The following PDXDC1 variants were observed in gnomAD, a reference collection of about 807,000 sequenced individuals.
PDXDC1 encodes the protein pyridoxal dependent decarboxylase domain containing 1.
Under a neutral mutation model 100.1 loss-of-function variants are expected in PDXDC1, and 42 were observed. The ratio of observed to expected loss-of-function variants is 0.42; its 90% CI spans 0.33 to 0.54. The LOEUF (loss-of-function observed/expected upper bound fraction) is 0.54. PDXDC1 is among the 20% of genes least tolerant of loss of function. The probability of loss-of-function intolerance (pLI) is 0.10; values close to 1 mark genes in which losing one functional copy is unlikely to be tolerated. For missense variants in PDXDC1, 636 were observed against 979.2 expected (o/e 0.65, Z 4.68); for synonymous variants, 260 against 371.7 (o/e 0.70, Z 3.46).
chr16:15,051,567 G>A (rs762820842), intron 16 of PDXDC1, among the ~76,000 whole-genome samples: 2 of 151,980 alleles, frequency 1.3e-5, no homozygotes, highest in Non-Finnish European at 2.9e-5. Flanking sequence ...GGCTGGTCTC[G>A]AACTCCTGGC....
At position 15,001,857 on chromosome 16, in the gene PDXDC1, G is replaced by A. The variant is rs752162720; in HGVS notation, c.242+1G>A. 1.9e-6 allele frequency: 3 copies of A among 1,602,962 alleles called. No homozygotes were observed. Among genetic ancestry groups the A allele is most frequent in the Admixed American group, 1.8e-5 (1 of 57,002 alleles). ...AAGATGAGGAGCCCCAGAGCCCCAG[G>A]TAATGAACCTGGCAGCTTCTCTTTT... is the stretch of plus-strand genomic sequence containing the variant. On this transcript the variant is annotated splice_donor_variant, in intron 4 of 22. Transcript: ENST00000396410. LOFTEE classifies it high-confidence loss of function.
intron 16 of PDXDC1, chr16:15,125,639 C>A (rs1397061737): frequency 1.6e-6 from 2 of 1,236,002 alleles, no homozygotes; most frequent in South Asian, 1.2e-5. Flanking sequence ...CCAAGCTGCG[C>A]CAAGGCGGCA....
chr16:15,077,765 C>T (rs1162063983), intron 16 of PDXDC1, among the ~76,000 whole-genome samples: 2 of 152,164 alleles, frequency 1.3e-5, no homozygotes, highest in Non-Finnish European at 1.5e-5. Context: ...TGCTTGAACC[C>T]CGGAGGTGGA....
the PDXDC1 span, among the ~76,000 whole-genome samples, chr16:15,147,750 G>T: frequency 6.6e-6 from 1 of 152,196 alleles, no homozygotes; most frequent in East Asian, 1.9e-4. Flanking sequence ...GTGCAGTGGT[G>T]TGATATTGGC....
chr16:15,079,056 C>T (rs1398407658), intron 16 of PDXDC1, among the ~76,000 whole-genome samples: 2 of 152,062 alleles, frequency 1.3e-5, no homozygotes, highest in African/African-American at 4.8e-5. Flanking sequence ...GTGATCCGCC[C>T]GCCTCGGCCT....
At chr16:15,092,323 C>T (rs1367010521) in intron 16 of PDXDC1, among the ~76,000 whole-genome samples, 1 of 152,004 alleles carries the variant, frequency 6.6e-6, no homozygotes, top group African/African-American at 2.4e-5. Flanking sequence ...GTGAAATGGG[C>T]CAAGGTGGGG....
At chr16:15,049,494 T>C (rs1025979464) in intron 16 of PDXDC1, among the ~76,000 whole-genome samples, 10 of 151,986 alleles carry the variant, frequency 6.6e-5, no homozygotes, top group Non-Finnish European at 1.3e-4. Flanking sequence ...AGTGGCGTGA[T>C]CTCAGTTCAC....
rs2043088845 is a variant in PDXDC1 at position 15,031,920 on chromosome 16, C to G, written c.1571+14C>G. The G allele has an allele frequency of 1.3e-6, 2 of 1,582,880 alleles. No individual in the cohort carries two copies. The highest frequency in any genetic ancestry group is 1.7e-6 in the Non-Finnish European group (2 of 1,160,776). ...AGGGGTTGTCAGGTAAAGTCTTGGC[C>G]TGCCGCTTGATGTTGGAGACTTTTC... On this transcript the variant is annotated intron_variant, in intron 17 of 22. Transcript: ENST00000396410.
At chr16:15,028,016 A>G (rs948490702) in intron 14 of PDXDC1, among the ~76,000 whole-genome samples, 1 of 152,276 alleles carries the variant, frequency 6.6e-6, no homozygotes, top group African/African-American at 2.4e-5. Flanking sequence ...GCACTCCCGT[A>G]TCAGTGTCAC....
chr16:15,058,173 G>A (rs2044591140), intron 16 of PDXDC1, among the ~76,000 whole-genome samples: 1 of 152,136 alleles, frequency 6.6e-6, no homozygotes, highest in Non-Finnish European at 1.5e-5. Flanking sequence ...GCTGGGCATG[G>A]TGGCAGGCCT....
At position 15,087,463 on chromosome 16, in the gene PDXDC1, C is replaced by T. The variant is rs117235048; in HGVS notation, c.1400-51416C>T. On this transcript the variant is annotated intron_variant, in intron 16 of 16. Coordinates refer to the PDXDC1 transcript ENST00000535621. ...TCGGTCAAGGCTATCCTCTGTCCAC[C>T]GTCCCACACGCCTCCCTATATGCGG... 1.5e-3 allele frequency among the ~76,000 whole-genome samples: 221 copies of T among 152,304 alleles called. 4 individuals carry two copies. The East Asian group carries it at 0.036, about 25-fold the overall frequency.
intron 6 of PDXDC1, among the ~76,000 whole-genome samples, chr16:15,007,776 A>G (rs1390649074): frequency 2.0e-5 from 3 of 152,292 alleles, no homozygotes; most frequent in Non-Finnish European, 4.4e-5. Flanking sequence ...CTTAGTGTCT[A>G]CTGCAAGCCA....
At chr16:15,142,393 A>G (rs1369160012), downstream of PDXDC1, among the ~76,000 whole-genome samples, 3 of 152,070 alleles carry the variant, frequency 2.0e-5, no homozygotes, top group Admixed American at 1.3e-4. Flanking sequence ...CCCTCACCCC[A>G]GCCCAAGGCC....
At chr16:15,052,698 G>A (rs1233591262) in intron 16 of PDXDC1, among the ~76,000 whole-genome samples, 1 of 152,258 alleles carries the variant, frequency 6.6e-6, no homozygotes, top group East Asian at 1.9e-4. Flanking sequence ...GCCGGGCATG[G>A]TGGCAGATGT....
intron 12 of PDXDC1, among the ~76,000 whole-genome samples, chr16:15,022,489 A>G (rs544529385): frequency 1.3e-5 from 2 of 152,410 alleles, no homozygotes; most frequent in East Asian, 3.9e-4. Context: ...CTTATTAGAA[A>G]CTGCTTTTCT....
intron 1 of PDXDC1, chr16:14,988,657 C>A: frequency 1.2e-6 from 2 of 1,613,686 alleles, no homozygotes; most frequent in Admixed American, 3.3e-5. Flanking sequence ...TAGGGCTTGC[C>A]CTCGGCATCC....
At chr16:15,135,405 T>A (rs2048301776) in intron 16 of PDXDC1, 2 of 1,452,366 alleles carry the variant, frequency 1.4e-6, no homozygotes, top group African/African-American at 2.8e-5. Flanking sequence ...GGCCCAAAGT[T>A]CAGCGCACAC....
chr16:15,130,169 T>C (rs1251976898), intron 16 of PDXDC1: 6 of 1,523,518 alleles, frequency 3.9e-6, no homozygotes, highest in Non-Finnish European at 5.3e-6. Context: ...TCCTCGACTC[T>C]GCAGAGGCTC....
intron 16 of PDXDC1, chr16:15,086,093 A>C: frequency 6.3e-7 from 1 of 1,586,458 alleles, no homozygotes; most frequent in Non-Finnish European, 8.6e-7. Flanking sequence ...ATAAAGAAGT[A>C]TTAAAAAGAA....
Sources: allele counts gnomAD v4.1 joint callset (sites outside exome capture counted in the v4.1 genomes callset), GRCh38; gene constraint gnomAD v4.1.1; transcripts MANE v1.5; gene names NCBI Gene and HGNC (gene_info 2026-07-23, HGNC 2026-07-21).